The following HIVEP3 variants were observed in gnomAD, a reference collection of about 807,000 sequenced individuals.
The protein encoded by HIVEP3 is HIVEP zinc finger 3.
Under a neutral mutation model 152.8 loss-of-function variants are expected in HIVEP3, and 49 were observed. The ratio of observed to expected loss-of-function variants is 0.32; its 90% CI spans 0.26 to 0.41. HIVEP3 has a LOEUF of 0.41. Ranked by LOEUF, HIVEP3 falls within the 10% of genes least tolerant of loss-of-function variation. The pLI, the probability that HIVEP3 is intolerant of heterozygous loss-of-function variation, is 1.00. For synonymous variants in HIVEP3, 1,269 were observed against 1,289.0 expected, an observed-to-expected ratio of 0.98 and a Z score of 0.33; for missense variants, 2,790 against 3,103.3, an observed-to-expected ratio of 0.90 and a Z score of 2.40.
chr1:41,711,282 A>C (rs1290911976), intron 1 of HIVEP3, among the ~76,000 whole-genome samples: 1 of 152,224 alleles, frequency 6.6e-6, no homozygotes, highest in East Asian at 1.9e-4. Flanking sequence ...AGAGGCCAGA[A>C]ATCAAGGCTG....
At chr1:42,032,606 C>G (rs1293025799) in intron 1 of HIVEP3, among the ~76,000 whole-genome samples, 1 of 152,172 alleles carries the variant, frequency 6.6e-6, no homozygotes, top group Non-Finnish European at 1.5e-5. Flanking sequence ...GATTTCCCAG[C>G]TCCAATCAGG....
intron 1 of HIVEP3, among the ~76,000 whole-genome samples, chr1:41,962,244 AAG>A (rs1645173443): frequency 6.6e-6 from 1 of 152,234 alleles, no homozygotes; most frequent in African/African-American, 2.4e-5. Flanking sequence ...AAGAAAACAG[AAG>A]AGAGGCCAGG....
chr1:41,785,687 T>C (rs1158214977), intron 1 of HIVEP3, among the ~76,000 whole-genome samples: 1 of 152,204 alleles, frequency 6.6e-6, no homozygotes, highest in African/African-American at 2.4e-5. Flanking sequence ...TCTCAATTTA[T>C]ATATGAACAT....
At chr1:41,977,998 C>T (rs139171433) in intron 1 of HIVEP3, among the ~76,000 whole-genome samples, 5 of 152,298 alleles carry the variant, frequency 3.3e-5, no homozygotes, top group East Asian at 1.9e-4. Context: ...GCAATGTCTC[C>T]GTAATAAAAG....
chr1:41,749,404 T>TTGGGTGTG (rs1647122030), intron 1 of HIVEP3, among the ~76,000 whole-genome samples: 1 of 140,678 alleles, frequency 7.1e-6, no homozygotes, highest in South Asian at 2.4e-4. Flanking sequence ...TTAGAAAAAA[T>TTGGGTGTG]TGTGTGTGTG....
chr1:41,534,367 C>T (rs1354202237), intron 5 of HIVEP3, among the ~76,000 whole-genome samples: 1 of 152,204 alleles, frequency 6.6e-6, no homozygotes, highest in South Asian at 2.1e-4. Context: ...TGCACTCCCC[C>T]TCCAGCCATG....
intron 3 of HIVEP3, among the ~76,000 whole-genome samples, chr1:41,589,800 C>T (rs1036232418): frequency 6.6e-6 from 1 of 152,154 alleles, no homozygotes; most frequent in African/African-American, 2.4e-5. Context: ...CAGCTCTTTG[C>T]TTGTAATTTA....
At chr1:41,689,811 T>C (rs888768710) in intron 2 of HIVEP3, among the ~76,000 whole-genome samples, 3 of 152,250 alleles carry the variant, frequency 2.0e-5, no homozygotes, top group African/African-American at 7.2e-5. Context: ...GAATGGGACC[T>C]TTCTTAGTCT....
chr1:41,770,717 G>C (rs181650013), intron 1 of HIVEP3, among the ~76,000 whole-genome samples: 57 of 152,232 alleles, frequency 3.7e-4, no homozygotes, highest in South Asian at 2.1e-3. Context: ...AAAGTGTCAA[G>C]GTCATGAAAA....
At chr1:41,919,662 G>T (rs193144844), upstream of HIVEP3, among the ~76,000 whole-genome samples, 34 of 152,170 alleles carry the variant, frequency 2.2e-4, no homozygotes, top group Admixed American at 2.2e-3. Flanking sequence ...TCTTTTAAGG[G>T]TCAGCATGGA....
chr1:41,711,349 C>G (rs986707832), intron 1 of HIVEP3, among the ~76,000 whole-genome samples: 3 of 152,234 alleles, frequency 2.0e-5, no homozygotes, highest in African/African-American at 7.2e-5. Context: ...GGTTCCCTCT[C>G]CAGCTCGCTC....
At chr1:41,956,502 C>A (rs1645141213) in intron 1 of HIVEP3, among the ~76,000 whole-genome samples, 1 of 152,196 alleles carries the variant, frequency 6.6e-6, no homozygotes, top group Non-Finnish European at 1.5e-5. Flanking sequence ...GTAACTAAAG[C>A]CAGTTCAGAT....
intron 1 of HIVEP3, among the ~76,000 whole-genome samples, chr1:41,737,701 C>T (rs958177035): frequency 4.6e-5 from 7 of 152,102 alleles, no homozygotes; most frequent in African/African-American, 9.7e-5. Flanking sequence ...GAAGGTGGGG[C>T]GGGGAACTCA....
intron 1 of HIVEP3, among the ~76,000 whole-genome samples, chr1:41,999,695 T>C (rs1202386047): frequency 1.3e-5 from 2 of 152,154 alleles, no homozygotes; most frequent in African/African-American, 4.8e-5. Context: ...GAATGGAACT[T>C]TGAATGGTGA....
intron 1 of HIVEP3, among the ~76,000 whole-genome samples, chr1:41,838,565 T>C (rs1411329691): frequency 6.6e-6 from 1 of 152,088 alleles, no homozygotes; most frequent in African/African-American, 2.4e-5. Flanking sequence ...GCACCCTGAT[T>C]TTTTAGGACC....
intron 1 of HIVEP3, among the ~76,000 whole-genome samples, chr1:41,786,450 G>A (rs1649353549): frequency 6.6e-6 from 1 of 152,140 alleles, no homozygotes; most frequent in Non-Finnish European, 1.5e-5. Context: ...GTCCATTACT[G>A]GTTGGCTGCC....
chr1:41,524,239 G>A (rs1028157806), intron 6 of HIVEP3, among the ~76,000 whole-genome samples: 1 of 152,168 alleles, frequency 6.6e-6, no homozygotes, highest in African/African-American at 2.4e-5. Flanking sequence ...GGGGCATGGT[G>A]GGAGTGGAGA....
chr1:41,717,948 G>A (rs553038058), intron 1 of HIVEP3, among the ~76,000 whole-genome samples: 2 of 152,212 alleles, frequency 1.3e-5, no homozygotes, highest in Non-Finnish European at 2.9e-5. Flanking sequence ...GGATGGAAGC[G>A]CATGTCCCCC....
intron 1 of HIVEP3, among the ~76,000 whole-genome samples, chr1:41,868,946 TGTAA>T (rs1644031000): frequency 6.6e-6 from 1 of 152,212 alleles, no homozygotes; most frequent in Non-Finnish European, 1.5e-5. Context: ...TCTCCCCTTT[TGTAA>T]GTGAGGAAGC....
Sources: allele counts gnomAD v4.1 joint callset (sites outside exome capture counted in the v4.1 genomes callset), GRCh38; gene constraint gnomAD v4.1.1; transcripts MANE v1.5; gene names NCBI Gene and HGNC (gene_info 2026-07-23, HGNC 2026-07-21).